The following CD6 variants were observed in gnomAD, a reference collection of about 807,000 sequenced individuals.
The protein encoded by CD6 is CD6 molecule.
A neutral mutation model predicts 75.3 loss-of-function variants in CD6; 53 were observed. The observed-to-expected ratio is 0.70, with a 90% CI of 0.56 to 0.88. The LOEUF (loss-of-function observed/expected upper bound fraction) is 0.88, where lower values mean the gene tolerates loss of function less well. Among genes scored for constraint, CD6 ranks in the 40% least tolerant of loss-of-function variants. The pLI, the probability that CD6 is intolerant of heterozygous loss-of-function variation, is 0.00. For synonymous variants in CD6, 359 were observed against 381.5 expected, an observed-to-expected ratio of 0.94 and a Z score of 0.69; for missense variants, 770 against 897.1, an observed-to-expected ratio of 0.86 and a Z score of 1.81.
chr11:61,017,705 A>G lies in CD6; in HGVS notation c.1583-54A>G, dbSNP rs575517510. On this transcript the variant is annotated intron_variant, in intron 10 of 12. Transcript: ENST00000313421. ...TAAGTGCTTTCTGAAGTCTGACTTAAAGCCCTCTTGCTGCACTGCTTCTTT... is the reference window on the plus strand; with the variant it reads ...TAAGTGCTTTCTGAAGTCTGACTTAGAGCCCTCTTGCTGCACTGCTTCTTT... The G allele has an allele frequency of 8.0e-5, 129 of 1,610,660 alleles. 2 individuals carry two copies. The East Asian group carries it at 2.8e-3, about 35-fold the overall frequency.
chr11:60,991,914 A>G (rs1011066116), intron 1 of CD6, among the ~76,000 whole-genome samples: 36 of 151,478 alleles, frequency 2.4e-4, no homozygotes, highest in African/African-American at 8.7e-4. Flanking sequence ...AAAGGATCTC[A>G]CTCTGTTGCC....
intron 1 of CD6, among the ~76,000 whole-genome samples, chr11:61,005,978 T>A (rs1858836785): frequency 6.6e-6 from 1 of 152,018 alleles, no homozygotes; most frequent in African/African-American, 2.4e-5. Context: ...GAACAATATA[T>A]GCAAATATGC....
At chr11:61,016,098 T>G (rs184134374) in intron 9 of CD6, among the ~76,000 whole-genome samples, 1 of 152,356 alleles carries the variant, frequency 6.6e-6, no homozygotes, top group African/African-American at 2.4e-5. Context: ...ACGTAAGGTC[T>G]TAAGACCAGG....
chr11:60,972,360 T>G (rs2905689), intron 1 of CD6, among the ~76,000 whole-genome samples: 149,758 of 152,294 alleles, frequency 0.98, 73,675 homozygotes, highest in East Asian at 1. Flanking sequence ...GGAGAGCACC[T>G]CCCGAAACAG....
At chr11:60,998,758 C>T (rs1440031656) in intron 1 of CD6, among the ~76,000 whole-genome samples, 2 of 151,506 alleles carry the variant, frequency 1.3e-5, no homozygotes, top group South Asian at 4.2e-4. Context: ...CCCACATGTC[C>T]CCCCAGGAAA....
At chr11:61,019,052 A>G (rs1399492142) in intron 12 of CD6, 2 of 531,244 alleles carry the variant, frequency 3.8e-6, no homozygotes, top group Non-Finnish European at 6.8e-6. Flanking sequence ...TGTGGAGACC[A>G]TAGCCCTGAA....
rs1857631666 is a variant in CD6 at position 60,982,852 on chromosome 11, C to G, written c.49+10938C>G. On this transcript the variant is annotated intron_variant, in intron 1 of 12. Transcript: ENST00000313421. ...TCTGCAGGGACTCTTTCCAGGGCCT[C>G]TTCCCACGCTGCCCAGCAGGGCATG... The G allele has an allele frequency of 1.2e-5, 5 of 411,190 alleles. No individual in the cohort carries two copies. In the Admixed American group the frequency reaches 1.3e-4, roughly 11 times the overall value. The allele number at this position is 411,190 out of a possible 1,614,324, so 25.5% of individuals were successfully genotyped here. A position where few individuals can be genotyped will look rare whatever the true frequency, so the allele number is the denominator to read the frequency against.
At chr11:60,996,627 T>C (rs1298331439) in intron 1 of CD6, among the ~76,000 whole-genome samples, 1 of 152,174 alleles carries the variant, frequency 6.6e-6, no homozygotes, top group Non-Finnish European at 1.5e-5. Context: ...AGATGCACGG[T>C]GGTCTGCAGG....
rs77250998 is a variant in CD6 at position 61,007,523 on chromosome 11, C to A, written c.119-37C>A. 7.1e-6 allele frequency: 10 copies of A among 1,401,984 alleles called. No homozygotes were observed. The South Asian group carries it at 1.5e-4, about 21-fold the overall frequency. The allele number at this position is 1,401,984 out of a possible 1,614,324, so 86.8% of individuals were successfully genotyped here. On this transcript the variant is annotated intron_variant, in intron 2 of 12. Transcript: ENST00000313421. This position sits in a 1 kb window ranked among gnomAD's most constrained non-coding sequence, Gnocchi z 4.2. The stretch of plus-strand genomic sequence containing the variant: ...GAGCCTGGGCAACCCTCTGCCCAGG[C>A]CCCACCGGTCTCAGCTCTCTGGTCT...
At chr11:61,004,175 A>G (rs1202186517) in intron 1 of CD6, among the ~76,000 whole-genome samples, 1 of 152,132 alleles carries the variant, frequency 6.6e-6, no homozygotes, top group African/African-American at 2.4e-5. Flanking sequence ...TGCCCCACAC[A>G]CATCACATTC....
intron 1 of CD6, among the ~76,000 whole-genome samples, chr11:60,975,770 C>CAATTG (rs1251121801): frequency 6.6e-6 from 1 of 152,172 alleles, no homozygotes. Flanking sequence ...TGCCACTTCA[C>CAATTG]TCCAGTCTGG....
At chr11:60,975,795 C>A (rs929621502) in intron 1 of CD6, among the ~76,000 whole-genome samples, 5 of 152,084 alleles carry the variant, frequency 3.3e-5, no homozygotes, top group Non-Finnish European at 7.3e-5. Context: ...TGAAGGAGAC[C>A]CTGTCTCAAT....
At chr11:60,978,237 C>A (rs1418502215) in intron 1 of CD6, among the ~76,000 whole-genome samples, 1 of 152,160 alleles carries the variant, frequency 6.6e-6, no homozygotes, top group African/African-American at 2.4e-5. Flanking sequence ...GCATGGTGTC[C>A]CCTGACAAGA....
chr11:60,993,692 G>A (rs1858157181), intron 1 of CD6, among the ~76,000 whole-genome samples: 1 of 152,170 alleles, frequency 6.6e-6, no homozygotes, highest in African/African-American at 2.4e-5. Context: ...TCTAAGTCAT[G>A]AAAGACGAAT....
intron 1 of CD6, among the ~76,000 whole-genome samples, chr11:61,001,915 G>A (rs1362209855): frequency 6.6e-6 from 1 of 152,176 alleles, no homozygotes; most frequent in East Asian, 1.9e-4. Context: ...AGCCTGTGGA[G>A]CTGGCCCTGC....
chr11:60,999,126 C>T (rs912058052), intron 1 of CD6, among the ~76,000 whole-genome samples: 6 of 151,876 alleles, frequency 4.0e-5, no homozygotes, highest in Non-Finnish European at 7.4e-5. Flanking sequence ...CCACTGCACT[C>T]CAGCCTGGGT....
chr11:60,980,833 C>G (rs1590669265), intron 1 of CD6, among the ~76,000 whole-genome samples: 4 of 152,176 alleles, frequency 2.6e-5, no homozygotes, highest in African/African-American at 9.6e-5. Context: ...GAGTGAGACT[C>G]TGTTTCAAAA....
At chr11:61,001,199 T>C (rs1470371254) in intron 1 of CD6, among the ~76,000 whole-genome samples, 1 of 18,150 alleles carries the variant, frequency 5.5e-5, no homozygotes, top group Non-Finnish European at 1.3e-4. Context: ...ATGATGTGTC[T>C]TTTTTTTTTT....
chr11:61,012,916 C>T (rs1415411282), intron 6 of CD6, among the ~76,000 whole-genome samples: 1 of 152,194 alleles, frequency 6.6e-6, no homozygotes, highest in African/African-American at 2.4e-5. Flanking sequence ...GTTGGTCTTC[C>T]CTCACAGAGA....
Sources: allele counts gnomAD v4.1 joint callset (sites outside exome capture counted in the v4.1 genomes callset), GRCh38; gene constraint gnomAD v4.1.1; non-coding constraint Gnocchi (gnomAD v3.1); transcripts MANE v1.5; gene names NCBI Gene and HGNC (gene_info 2026-07-23, HGNC 2026-07-21).